The following NDUFS4 variants were observed in gnomAD, a reference collection of about 807,000 sequenced individuals.
NDUFS4 encodes NADH:ubiquinone oxidoreductase subunit S4.
In NDUFS4, 28 loss-of-function variants were observed where a neutral mutation model predicts 24.3. That is an observed-to-expected ratio of 1.15 (90% confidence interval 0.85 to 1.58). The LOEUF is 1.58. NDUFS4 is among the 40% of genes most tolerant of loss of function. NDUFS4 has a pLI of 0.00. For missense variants in NDUFS4, 223 were observed against 207.9 expected, an observed-to-expected ratio of 1.07 and a Z score of -0.45; for synonymous variants, 93 against 69.7, an observed-to-expected ratio of 1.34 and a Z score of -1.67.
intron 2 of NDUFS4, among the ~76,000 whole-genome samples, chr5:53,628,843 AT>A (rs2112487100): frequency 6.6e-6 from 1 of 151,668 alleles, no homozygotes; most frequent in East Asian, 1.9e-4. Context: ...TCATTGATTT[AT>A]TTTTTTGAAG....
intron 3 of NDUFS4, among the ~76,000 whole-genome samples, chr5:53,648,162 A>G (rs1329743198): frequency 1.3e-5 from 2 of 152,224 alleles, no homozygotes; most frequent in Non-Finnish European, 2.9e-5. Flanking sequence ...AAAGCTGAGA[A>G]ATAGATACTT....
intron 2 of NDUFS4, among the ~76,000 whole-genome samples, chr5:53,609,762 T>A (rs1487264019): frequency 2.0e-5 from 3 of 152,100 alleles, no homozygotes; most frequent in African/African-American, 4.8e-5. Context: ...GTGGCTTCTC[T>A]GTCAGCACTT....
chr5:53,658,527 T>G, intron 3 of NDUFS4, 24 bp from the exon 4 acceptor site: 2 of 1,579,072 alleles, frequency 1.3e-6, no homozygotes, highest in Non-Finnish European at 8.7e-7. Flanking sequence ...TGTTAAATCT[T>G]GGAAAAAAAT....
At chr5:53,655,849 T>C (rs1752146206) in intron 3 of NDUFS4, among the ~76,000 whole-genome samples, 1 of 152,144 alleles carries the variant, frequency 6.6e-6, no homozygotes, top group South Asian at 2.1e-4. Context: ...CTTTCTGAAG[T>C]TTTGATGGAA....
intron 3 of NDUFS4, among the ~76,000 whole-genome samples, chr5:53,652,892 TTAA>T (rs1353529117): frequency 5.9e-5 from 9 of 152,180 alleles, no homozygotes; most frequent in Non-Finnish European, 8.8e-5. Flanking sequence ...TTATCCTTGT[TTAA>T]TATTGTAGCA....
chr5:53,641,066 C>A lies in NDUFS4; in HGVS notation c.178-5167C>A, dbSNP rs141509683. ...TGTTTTCACTGTTGCTCATTGTGTTCAGTGTCTAATATGTAGTAAGTGCTA... is the reference window on the plus strand; with the variant it reads ...TGTTTTCACTGTTGCTCATTGTGTTAAGTGTCTAATATGTAGTAAGTGCTA... On this transcript the variant is annotated intron_variant, in intron 2 of 4. Coordinates refer to ENST00000296684, the MANE Select transcript of NDUFS4 (RefSeq NM_002495.4). 4.6e-3 allele frequency among the ~76,000 whole-genome samples: 707 copies of A among 152,196 alleles called. 5 individuals are homozygous for A. The highest frequency in any genetic ancestry group is 0.016 in the African/African-American group (681 of 41,558).
chr5:53,562,170 A>T (rs1189758583), intron 1 of NDUFS4, among the ~76,000 whole-genome samples: 2 of 151,966 alleles, frequency 1.3e-5, no homozygotes, highest in Non-Finnish European at 2.9e-5. Flanking sequence ...CACCTGGCTA[A>T]TTTTTGTATT....
chr5:53,666,694 G>C (rs1307975534), intron 4 of NDUFS4, among the ~76,000 whole-genome samples: 1 of 152,150 alleles, frequency 6.6e-6, no homozygotes, highest in Non-Finnish European at 1.5e-5. Context: ...CCAGTGCTTT[G>C]GGAGGTTGAG....
At chr5:53,594,434 G>T (rs752850316) in intron 1 of NDUFS4, among the ~76,000 whole-genome samples, 29 of 151,866 alleles carry the variant, frequency 1.9e-4, no homozygotes, top group Non-Finnish European at 2.9e-4. Context: ...TTAAAAATGG[G>T]TTTCTTTTCA....
intron 4 of NDUFS4, among the ~76,000 whole-genome samples, chr5:53,661,483 G>A (rs1454528874): frequency 3.9e-5 from 6 of 152,122 alleles, no homozygotes; most frequent in Admixed American, 3.9e-4. Flanking sequence ...TGGCAATGCG[G>A]GCTCTTTTTT....
At chr5:53,604,477 C>G (rs1281303277) in intron 2 of NDUFS4, among the ~76,000 whole-genome samples, 1 of 152,208 alleles carries the variant, frequency 6.6e-6, no homozygotes, top group African/African-American at 2.4e-5. Flanking sequence ...CTGACATTGT[C>G]ATCATCCTGA....
At chr5:53,625,889 A>AT (rs1285039223) in intron 2 of NDUFS4, among the ~76,000 whole-genome samples, 2 of 151,998 alleles carry the variant, frequency 1.3e-5, no homozygotes, top group Admixed American at 1.3e-4. Flanking sequence ...ACATTTAATG[A>AT]TTTTTTTAAA....
chr5:53,613,636 A>G (rs2112469439), intron 2 of NDUFS4, among the ~76,000 whole-genome samples: 1 of 148,314 alleles, frequency 6.7e-6, no homozygotes, highest in Non-Finnish European at 1.5e-5. Context: ...TCCCTGTGTC[A>G]GTTTTTACAC....
chr5:53,565,538 G>A (rs1748991828), intron 1 of NDUFS4, among the ~76,000 whole-genome samples: 1 of 152,204 alleles, frequency 6.6e-6, no homozygotes, highest in African/African-American at 2.4e-5. Context: ...ATGAGCGATT[G>A]TGAGGAAAAG....
intron 1 of NDUFS4, among the ~76,000 whole-genome samples, chr5:53,602,950 G>C (rs940227050): frequency 1.1e-4 from 17 of 151,974 alleles, no homozygotes; most frequent in African/African-American, 3.9e-4. Flanking sequence ...TTTGTGAATG[G>C]GCTACAGGAC....
At chr5:53,631,908 A>C (rs940914357) in intron 2 of NDUFS4, among the ~76,000 whole-genome samples, 6 of 152,178 alleles carry the variant, frequency 3.9e-5, no homozygotes, top group African/African-American at 1.4e-4. Flanking sequence ...ATCTGGGCAG[A>C]AGTGTACCAT....
chr5:53,674,092 T>TGTAA (rs1740376968), intron 4 of NDUFS4, among the ~76,000 whole-genome samples: 1 of 152,180 alleles, frequency 6.6e-6, no homozygotes, highest in Admixed American at 6.5e-5. Context: ...ATTTATTTAA[T>TGTAA]GTAAGTTTTA....
chr5:53,606,431 G>C (rs1325413699), intron 2 of NDUFS4, among the ~76,000 whole-genome samples: 1 of 151,896 alleles, frequency 6.6e-6, no homozygotes, highest in Admixed American at 6.6e-5. Flanking sequence ...GCAGCGGCGC[G>C]ATCTCGGCTC....
At chr5:53,628,269 T>C (rs1751290287) in intron 2 of NDUFS4, among the ~76,000 whole-genome samples, 1 of 152,234 alleles carries the variant, frequency 6.6e-6, no homozygotes, top group Non-Finnish European at 1.5e-5. Flanking sequence ...GATGTGCTGC[T>C]GGATTTGGTT....
Sources: gnomAD v4.1 joint callset for allele counts (sites outside exome capture counted in the v4.1 genomes callset) on GRCh38, gnomAD v4.1.1 for gene constraint, MANE v1.5 for transcripts, NCBI Gene and HGNC (gene_info 2026-07-23, HGNC 2026-07-21) for gene names.